GIGYF2: variants seen among roughly 807,000 people sequenced by gnomAD.
GIGYF2 encodes the protein GRB10-interacting GYF protein 2.
In GIGYF2, 25 loss-of-function variants were observed where a neutral mutation model predicts 208.1. The observed-to-expected ratio is 0.12, with a 90% confidence interval of 0.09 to 0.17. The LOEUF is 0.17. Among genes scored for constraint, GIGYF2 ranks in the 10% least tolerant of loss-of-function variants. The pLI, the probability that GIGYF2 is intolerant of heterozygous loss-of-function variation, is 1.00. For missense variants in GIGYF2, 1,302 were observed against 1,579.4 expected, an observed-to-expected ratio of 0.82 and a Z score of 2.98; for synonymous variants, 534 against 543.8, an observed-to-expected ratio of 0.98 and a Z score of 0.25.
chr2:232,700,351 A>G (rs896234728), intron 1 of GIGYF2, among the ~76,000 whole-genome samples: 1 of 152,180 alleles, frequency 6.6e-6, no homozygotes, highest in Non-Finnish European at 1.5e-5. Flanking sequence ...TTAATACTCC[A>G]TATTGTCTCT....
At chr2:232,746,237 A>G (rs1344439036) in intron 3 of GIGYF2, among the ~76,000 whole-genome samples, 1 of 151,674 alleles carries the variant, frequency 6.6e-6, no homozygotes, top group African/African-American at 2.4e-5. Flanking sequence ...TTCTTTAAAT[A>G]TTACTTTATT....
intron 2 of GIGYF2, among the ~76,000 whole-genome samples, chr2:232,732,635 T>A (rs899837228): frequency 6.7e-6 from 1 of 150,278 alleles, no homozygotes. Context: ...ATTTTAATTT[T>A]TTTAATTTTT....
At chr2:232,817,231 T>C (rs1700942369) in intron 20 of GIGYF2, among the ~76,000 whole-genome samples, 199 bp downstream of exon 20, 1 of 152,224 alleles carries the variant, frequency 6.6e-6, no homozygotes, top group Non-Finnish European at 1.5e-5. Context: ...AGTAAACCAC[T>C]AGAATTGATA....
chr2:232,783,725 T>C (rs1260114901), intron 8 of GIGYF2, among the ~76,000 whole-genome samples: 1 of 152,184 alleles, frequency 6.6e-6, no homozygotes, highest in Non-Finnish European at 1.5e-5. Context: ...TAGCTCTTGT[T>C]GTCCAGGCTG....
chr2:232,725,955 G>A (rs1434677840), intron 2 of GIGYF2, among the ~76,000 whole-genome samples: 1 of 152,228 alleles, frequency 6.6e-6, no homozygotes, highest in African/African-American at 2.4e-5. Flanking sequence ...GGGGCTACTT[G>A]TAAAAGTTTG....
intron 3 of GIGYF2, among the ~76,000 whole-genome samples, chr2:232,747,287 A>G (rs1698182111): frequency 6.6e-6 from 1 of 152,164 alleles, no homozygotes. Flanking sequence ...AGTGTAAGGT[A>G]GTATCTCACT....
At chr2:232,842,116 A>G (rs1296181440) in intron 23 of GIGYF2, among the ~76,000 whole-genome samples, 1 of 151,912 alleles carries the variant, frequency 6.6e-6, no homozygotes, top group Non-Finnish European at 1.5e-5. Context: ...TTGGGATTAT[A>G]GGCATGGGCC....
chr2:232,782,690 T>C (rs886129336), intron 8 of GIGYF2: 5 of 152,148 alleles, frequency 3.3e-5, no homozygotes, highest in Admixed American at 1.3e-4. Flanking sequence ...GCACATACAC[T>C]AAAATTGGAA....
chr2:232,797,489 T>TTGTGTG (rs67221198), intron 14 of GIGYF2, among the ~76,000 whole-genome samples: 40,464 of 144,802 alleles, frequency 0.28, 5,666 homozygotes, highest in Non-Finnish European at 0.3. Context: ...AGAGCAGGGC[T>TTGTGTG]TGTGTGTGTG....
chr2:232,757,079 ATGAG>A (rs1334086848), intron 6 of GIGYF2, among the ~76,000 whole-genome samples: 1 of 152,228 alleles, frequency 6.6e-6, no homozygotes, highest in Non-Finnish European at 1.5e-5. Context: ...GATGTCTGCA[ATGAG>A]TGAGACCATT....
intron 22 of GIGYF2, among the ~76,000 whole-genome samples, chr2:232,833,620 TG>T (rs748795552): frequency 4.6e-5 from 7 of 152,214 alleles, no homozygotes; most frequent in Non-Finnish European, 1.0e-4. Flanking sequence ...TAAATCTGTT[TG>T]GTTTGTAAAT....
At position 232,791,161 on chromosome 2, in the gene GIGYF2, G is replaced by C. The variant is rs1700058946; in HGVS notation, c.1084G>C (p.Val362Leu). The change falls in exon 11 of 29, where the codon GTA (valine) becomes CTA (leucine). Residue 362 changes from valine to leucine, a missense_variant. Coordinates refer to ENST00000373563, the MANE Select transcript of GIGYF2 (RefSeq NM_001103146.3). ...GAAAGAAGGAGAGAAAACAGATAGA[G>C]TAGGAGTTGGTAAGGCCTCTTCTTG... ...NKKEGEKTDR[V>L]GVEASEETPQ... 1 of 1,613,922 alleles carries C rather than the reference G, an allele frequency of 6.2e-7. No homozygotes were observed. Among genetic ancestry groups the C allele is most frequent in the African/African-American group, 1.3e-5 (1 of 74,912 alleles).
chr2:232,715,678 A>G lies in GIGYF2; in HGVS notation c.-44+12189A>G, dbSNP rs945508435. Among the ~76,000 whole-genome samples, 72 of 152,160 alleles carry G rather than the reference A, an allele frequency of 4.7e-4. 1 individual carries two copies. Among genetic ancestry groups the G allele is most frequent in the African/African-American group, 1.6e-3 (68 of 41,444 alleles). On this transcript the variant is annotated intron_variant, in intron 2 of 28. Transcript: ENST00000373563. ...GTTTGCTTCATGAAGTTTTGTCATC[A>G]GTAAATGTGTTAACAGATCATATTT...
intron 23 of GIGYF2, chr2:232,842,994 T>G (rs984778988): frequency 2.0e-5 from 3 of 152,220 alleles, no homozygotes; most frequent in Admixed American, 2.0e-4. Flanking sequence ...TTCCTGAGCC[T>G]TCTTTGTGAA....
At chr2:232,710,435 G>C (rs1265973480) in intron 2 of GIGYF2, among the ~76,000 whole-genome samples, 1 of 152,062 alleles carries the variant, frequency 6.6e-6, no homozygotes, top group Non-Finnish European at 1.5e-5. Flanking sequence ...CTGTCTGTGG[G>C]TCTTTTGTCT....
chr2:232,699,636 G>T (rs1451156699), intron 1 of GIGYF2, among the ~76,000 whole-genome samples: 1 of 152,186 alleles, frequency 6.6e-6, no homozygotes, highest in Admixed American at 6.5e-5. Context: ...AAAAGCAATT[G>T]CTTTACAAGA....
At chr2:232,779,775 C>T (rs1248059850) in intron 8 of GIGYF2, among the ~76,000 whole-genome samples, 1 of 152,142 alleles carries the variant, frequency 6.6e-6, no homozygotes. Context: ...ACCAGCTGAG[C>T]AGGTTATTTA....
intron 21 of GIGYF2, among the ~76,000 whole-genome samples, chr2:232,820,226 T>C (rs528047278): frequency 6.6e-6 from 1 of 152,228 alleles, no homozygotes; most frequent in East Asian, 1.9e-4. Flanking sequence ...ATAGTGGAAA[T>C]GTTGTAAAAT....
At chr2:232,792,883 G>A (rs897985127) in intron 12 of GIGYF2, among the ~76,000 whole-genome samples, 1 of 152,166 alleles carries the variant, frequency 6.6e-6, no homozygotes, top group Admixed American at 6.5e-5. Context: ...CTTCATAGAT[G>A]TACATTAAAG....
Sources: gnomAD v4.1 joint callset for allele counts (sites outside exome capture counted in the v4.1 genomes callset) on GRCh38, gnomAD v4.1.1 for gene constraint, MANE v1.5 for transcripts, NCBI Gene and HGNC (gene_info 2026-07-23, HGNC 2026-07-21) for gene names.